Variants in EBF1 observed in about 807,000 individuals in gnomAD.
The protein encoded by EBF1 is transcription factor COE1.
A neutral mutation model predicts 68.4 loss-of-function variants in EBF1; 10 were observed. The ratio of observed to expected loss-of-function variants is 0.15; its 90% CI spans 0.09 to 0.25. The LOEUF (loss-of-function observed/expected upper bound fraction) is 0.25, where lower values mean the gene tolerates loss of function less well. Among genes scored for constraint, EBF1 ranks in the 10% least tolerant of loss-of-function variants. The pLI, the probability that EBF1 is intolerant of heterozygous loss-of-function variation, is 1.00. For synonymous variants in EBF1, 298 were observed against 299.8 expected (o/e 0.99, Z 0.06); for missense variants, 509 against 794.4 (o/e 0.64, Z 4.32).
intron 6 of EBF1, among the ~76,000 whole-genome samples, chr5:158,921,438 T>TA (rs1808418064): frequency 6.6e-6 from 1 of 152,226 alleles, no homozygotes; most frequent in Non-Finnish European, 1.5e-5. Context: ...CTCCTATGGT[T>TA]CCAAGTCAAG....
At chr5:158,981,979 T>C (rs1168693045) in intron 6 of EBF1, among the ~76,000 whole-genome samples, 1 of 152,230 alleles carries the variant, frequency 6.6e-6, no homozygotes, top group Non-Finnish European at 1.5e-5. Context: ...ATAAGCCTCC[T>C]GATAATATCA....
At chr5:159,076,809 TACAC>T (rs1234384350) in intron 5 of EBF1, among the ~76,000 whole-genome samples, 5 of 152,080 alleles carry the variant, frequency 3.3e-5, no homozygotes, top group African/African-American at 1.2e-4. Context: ...AATATATATA[TACAC>T]ACACACATAC....
intron 6 of EBF1, among the ~76,000 whole-genome samples, chr5:158,886,946 G>T (rs1377758183): frequency 2.0e-5 from 3 of 152,144 alleles, no homozygotes; most frequent in Non-Finnish European, 4.4e-5. Context: ...AGGTTGCAAT[G>T]AGCCGAGATC....
intron 6 of EBF1, among the ~76,000 whole-genome samples, chr5:158,962,291 A>T (rs1446470609): frequency 6.6e-6 from 1 of 152,112 alleles, no homozygotes; most frequent in Non-Finnish European, 1.5e-5. Flanking sequence ...ATCACATTAA[A>T]CTCAGAGCTT....
At chr5:158,978,725 A>G (rs1757269559) in intron 6 of EBF1, among the ~76,000 whole-genome samples, 1 of 151,918 alleles carries the variant, frequency 6.6e-6, no homozygotes, top group Admixed American at 6.6e-5. Flanking sequence ...GATTAAGGAA[A>G]GACTATTGTT....
chr5:158,880,972 C>T (rs1342149719), intron 6 of EBF1, among the ~76,000 whole-genome samples: 1 of 151,978 alleles, frequency 6.6e-6, no homozygotes, highest in African/African-American at 2.4e-5. Flanking sequence ...CTCACTTCTG[C>T]TGGCAATGTT....
intron 6 of EBF1, among the ~76,000 whole-genome samples, chr5:158,906,059 T>C (rs1465834309): frequency 1.3e-5 from 2 of 152,130 alleles, no homozygotes; most frequent in Non-Finnish European, 2.9e-5. Flanking sequence ...CAGAGAAATG[T>C]TGCCACCAAT....
At chr5:159,096,660 GC>G (rs1261960300) in intron 2 of EBF1, 2 of 607,052 alleles carry the variant, frequency 3.3e-6, no homozygotes, top group Non-Finnish European at 5.8e-6. Context: ...AGGGGCTCGT[GC>G]CCCGGCCACC....
At chr5:158,908,572 G>T (rs1024133678) in intron 6 of EBF1, among the ~76,000 whole-genome samples, 2 of 152,064 alleles carry the variant, frequency 1.3e-5, no homozygotes, top group Non-Finnish European at 2.9e-5. Context: ...AAACAGCCTC[G>T]TCACAATGCA....
At chr5:158,863,860 T>G (rs189252951) in intron 6 of EBF1, among the ~76,000 whole-genome samples, 2 of 152,158 alleles carry the variant, frequency 1.3e-5, no homozygotes, top group African/African-American at 4.8e-5. Context: ...CAAAGTCTCA[T>G]GAAAATATAC....
chr5:159,021,679 G>C (rs1057164436), intron 6 of EBF1, among the ~76,000 whole-genome samples: 1 of 152,146 alleles, frequency 6.6e-6, no homozygotes, highest in Non-Finnish European at 1.5e-5. Context: ...TCTTTTTGTC[G>C]GATGTTATTT....
At position 158,857,422 on chromosome 5, in the gene EBF1, C is replaced by T. The variant is rs1794244528; in HGVS notation, c.555-17312G>A. Among the ~76,000 whole-genome samples, 4 of 152,004 alleles carry T rather than the reference C, an allele frequency of 2.6e-5. No individual in the cohort carries two copies. In the South Asian group the frequency reaches 6.2e-4, roughly 24 times the overall value. On this transcript the variant is annotated intron_variant, in intron 6 of 15. Transcript: ENST00000313708. ...TCTCTGTTGCCCCTAAAAACAAGTT[C>T]CTACCCATTCACAATGACATAAATG...
At chr5:158,860,688 G>A (rs1468435956) in intron 6 of EBF1, among the ~76,000 whole-genome samples, 1 of 152,200 alleles carries the variant, frequency 6.6e-6, no homozygotes, top group Non-Finnish European at 1.5e-5. Flanking sequence ...GTTGCTTAAG[G>A]TTTGGTAAGA....
intron 4 of EBF1, among the ~76,000 whole-genome samples, chr5:159,087,084 G>C (rs1018563211): frequency 6.6e-6 from 1 of 151,650 alleles, no homozygotes; most frequent in African/African-American, 2.4e-5. Context: ...AATCCTATTA[G>C]TACTACATGG....
intron 13 of EBF1, 91 bp from the exon 14 acceptor site, chr5:158,712,424 G>A (rs995589990): frequency 4.8e-6 from 7 of 1,446,786 alleles, no homozygotes; most frequent in Non-Finnish European, 6.6e-6. Flanking sequence ...TCTGTTTCTG[G>A]CCCCGTCGCC....
chr5:158,697,364 C>T lies in EBF1; in HGVS notation c.*1747G>A, dbSNP rs561361568. 3.6e-5 allele frequency: 7 copies of T among 194,782 alleles called. 1 individual carries two copies. The South Asian group carries it at 1.2e-3, about 33-fold the overall frequency. 12.1% of individuals were successfully genotyped at this position (194,782 alleles called of 1,614,324 possible). The stretch of plus-strand genomic sequence containing the variant: ...GACTTTTGGGTGGAAATTAAAAAAA[C>T]TGAAGCATGGTTTATAACAATACTA... On this transcript the variant is annotated 3_prime_UTR_variant, in exon 16 of 16. Coordinates refer to ENST00000313708, the MANE Select transcript of EBF1 (RefSeq NM_024007.5).
At chr5:158,974,747 G>A (rs1471072139) in intron 6 of EBF1, among the ~76,000 whole-genome samples, 2 of 152,140 alleles carry the variant, frequency 1.3e-5, no homozygotes, top group Non-Finnish European at 2.9e-5. Flanking sequence ...AGACTTTAAG[G>A]AGAAAAAACA....
intron 7 of EBF1, among the ~76,000 whole-genome samples, chr5:158,831,784 G>A (rs1787635541): frequency 6.6e-6 from 1 of 152,190 alleles, no homozygotes; most frequent in African/African-American, 2.4e-5. Flanking sequence ...TTACAGGTAT[G>A]AGCCACCGTG....
chr5:159,057,889 T>A (rs1348062945), intron 6 of EBF1, among the ~76,000 whole-genome samples: 2 of 152,220 alleles, frequency 1.3e-5, no homozygotes, highest in African/African-American at 2.4e-5. Context: ...TACAAAAAAA[T>A]CCTGCTTACC....
Sources: gnomAD v4.1 joint callset for allele counts (sites outside exome capture counted in the v4.1 genomes callset) on GRCh38, gnomAD v4.1.1 for gene constraint, MANE v1.5 for transcripts, NCBI Gene and HGNC (gene_info 2026-07-23, HGNC 2026-07-21) for gene names.